The following ATAD2B variants were observed in gnomAD, a reference collection of about 807,000 sequenced individuals.
ATAD2B encodes the protein ATPase family AAA domain containing 2B, also known as ATPase family AAA domain-containing protein 2B.
In ATAD2B, 40 loss-of-function variants were observed where a neutral mutation model predicts 167.6. That is an observed-to-expected ratio of 0.24 (90% CI 0.19 to 0.31). ATAD2B has a LOEUF of 0.31. ATAD2B is among the 10% of genes least tolerant of loss of function. The pLI is 1.00. For synonymous variants in ATAD2B, 579 were observed against 596.5 expected, an observed-to-expected ratio of 0.97 and a Z score of 0.43; for missense variants, 1,242 against 1,757.2, an observed-to-expected ratio of 0.71 and a Z score of 5.24.
chr2:23,767,479 T>C (rs1415794447), intron 22 of ATAD2B, among the ~76,000 whole-genome samples: 1 of 152,182 alleles, frequency 6.6e-6, no homozygotes, highest in Non-Finnish European at 1.5e-5. Flanking sequence ...AATTTTATAT[T>C]CAAGTGCTTT....
At chr2:23,914,047 C>T (rs1702676189) in intron 1 of ATAD2B, among the ~76,000 whole-genome samples, 1 of 151,990 alleles carries the variant, frequency 6.6e-6, no homozygotes, top group South Asian at 2.1e-4. Flanking sequence ...GGCAGGAGTT[C>T]AAGACCACCT....
At chr2:23,770,248 G>A (rs918427634) in intron 22 of ATAD2B, among the ~76,000 whole-genome samples, 14 of 151,940 alleles carry the variant, frequency 9.2e-5, no homozygotes, top group South Asian at 4.2e-4. Context: ...CCCAGGAGGC[G>A]GAGGTTGCAA....
At chr2:23,865,755 CT>C (rs565149156) in intron 10 of ATAD2B, among the ~76,000 whole-genome samples, 23 of 149,122 alleles carry the variant, frequency 1.5e-4, no homozygotes, top group Admixed American at 9.4e-4. Context: ...GAGAAATTTA[CT>C]TTTTTTTTTC....
chr2:23,924,911 T>C (rs189845210), intron 1 of ATAD2B, among the ~76,000 whole-genome samples: 76 of 152,294 alleles, frequency 5.0e-4, no homozygotes, highest in African/African-American at 1.7e-3. Context: ...GACAGCATGA[T>C]ATCCATGAAT....
At chr2:23,707,373 C>G in the ATAD2B span, 1 of 152,140 alleles carries the variant, frequency 6.6e-6, no homozygotes, top group Admixed American at 6.5e-5. Context: ...ATTTCTGAGG[C>G]ATTTTCTTGA....
At chr2:23,767,183 GATTACCTACTCCACCCTAACTCATTCCT>G (rs1558502822) in intron 22 of ATAD2B, among the ~76,000 whole-genome samples, 7 of 151,874 alleles carry the variant, frequency 4.6e-5, no homozygotes, top group African/African-American at 1.7e-4. Context: ...GACTCATTCC[GATTACCTACTCCACCCTAACTCATTCCT>G]ATTACCTGCT....
chr2:23,817,342 G>A (rs1050975820), intron 17 of ATAD2B, among the ~76,000 whole-genome samples: 2 of 152,152 alleles, frequency 1.3e-5, no homozygotes, highest in Middle Eastern at 3.2e-3. Context: ...TACCACAAAT[G>A]CAATATGATT....
chr2:23,786,284 C>T, intron 20 of ATAD2B, 61 bp from the exon 21 acceptor site: 3 of 1,328,248 alleles, frequency 2.3e-6, no homozygotes, highest in African/African-American at 3.0e-5. Flanking sequence ...CCTTTTTTGG[C>T]ATTCTCTCAA....
chr2:23,815,377 G>A (rs538045245), intron 17 of ATAD2B, among the ~76,000 whole-genome samples: 1 of 152,232 alleles, frequency 6.6e-6, no homozygotes, highest in South Asian at 2.1e-4. Flanking sequence ...AGAAATAAAA[G>A]GAAAGAAGTT....
At position 23,782,863 on chromosome 2, in the gene ATAD2B, C is replaced by T. The variant is rs749767404; in HGVS notation, c.3133+6G>A. 2 of 1,605,294 alleles carry T rather than the reference C, an allele frequency of 1.2e-6. No homozygotes were observed. The highest frequency in any genetic ancestry group is 1.7e-6 in the Non-Finnish European group (2 of 1,175,758). ...TCAAGGGGAACCTTGCCCTATGCAT[C>T]CTTACCTCCTGGGTCCTTATCTGGA... On this transcript the variant is annotated splice_donor_region_variant and intron_variant, in intron 22 of 27. Transcript: ENST00000238789.
chr2:23,745,409 G>A (rs1246356649), downstream of ATAD2B, among the ~76,000 whole-genome samples: 3 of 112,984 alleles, frequency 2.7e-5, no homozygotes, highest in Non-Finnish European at 5.9e-5. Flanking sequence ...AGGAAGGAAG[G>A]AAGGAAGGAA....
At chr2:23,795,411 T>C (rs944859094) in intron 19 of ATAD2B, among the ~76,000 whole-genome samples, 4 of 152,154 alleles carry the variant, frequency 2.6e-5, no homozygotes, top group Non-Finnish European at 5.9e-5. Flanking sequence ...AGGCCATTTT[T>C]TCCTCTGAGA....
intron 8 of ATAD2B, among the ~76,000 whole-genome samples, chr2:23,875,191 T>C (rs72788285): frequency 4.8e-4 from 73 of 151,740 alleles, no homozygotes; most frequent in Non-Finnish European, 6.9e-4. Flanking sequence ...CTTTAGGGAA[T>C]AAAAAATAAA....
intron 17 of ATAD2B, among the ~76,000 whole-genome samples, chr2:23,817,707 T>C (rs1686665297): frequency 6.6e-6 from 1 of 152,224 alleles, no homozygotes; most frequent in Non-Finnish European, 1.5e-5. Flanking sequence ...AAGAAATAAG[T>C]GAATAATTAT....
At chr2:23,824,412 G>A (rs181698412) in intron 15 of ATAD2B, among the ~76,000 whole-genome samples, 4 of 151,952 alleles carry the variant, frequency 2.6e-5, no homozygotes, top group East Asian at 1.9e-4. Flanking sequence ...TTCCAAACAC[G>A]TATAAAATAG....
At chr2:23,802,195 T>G (rs539646794) in intron 18 of ATAD2B, among the ~76,000 whole-genome samples, 1 of 151,866 alleles carries the variant, frequency 6.6e-6, no homozygotes, top group African/African-American at 2.4e-5. Flanking sequence ...TGTTGGGAGC[T>G]AAAACATCCT....
chr2:23,695,879 C>T, the ATAD2B span: 3 of 1,534,370 alleles, frequency 2.0e-6, no homozygotes, highest in South Asian at 3.7e-5. This position sits in a 1 kb window ranked among gnomAD's most constrained non-coding sequence, Gnocchi z 7.6. Flanking sequence ...TCAGTGGTTC[C>T]AGTGAGGTGC....
chr2:23,756,306 T>G (rs1441863204), intron 25 of ATAD2B, among the ~76,000 whole-genome samples: 2 of 152,152 alleles, frequency 1.3e-5, no homozygotes, highest in African/African-American at 4.8e-5. Flanking sequence ...AACAGTAAAT[T>G]TCTCTTTATC....
the ATAD2B span, among the ~76,000 whole-genome samples, chr2:23,741,260 A>C: frequency 0.46 from 70,267 of 151,938 alleles, 16,987 homozygotes; most frequent in East Asian, 0.79. Flanking sequence ...TCCTAAACCA[A>C]AAGAACAAAG....
Sources: gnomAD v4.1 joint callset for allele counts (sites outside exome capture counted in the v4.1 genomes callset) on GRCh38, gnomAD v4.1.1 for gene constraint, Gnocchi (gnomAD v3.1) non-coding constraint, MANE v1.5 for transcripts, NCBI Gene and HGNC (gene_info 2026-07-23, HGNC 2026-07-21) for gene names.